The following RASEF variants were observed in gnomAD, a reference collection of about 807,000 sequenced individuals.
The protein encoded by RASEF is ras and EF-hand domain-containing protein.
A neutral mutation model predicts 90.1 loss-of-function variants in RASEF; 68 were observed. The observed-to-expected ratio is 0.75, with a 90% CI of 0.62 to 0.92. The LOEUF (loss-of-function observed/expected upper bound fraction) is 0.92. Ranked by LOEUF, RASEF falls within the 40% of genes least tolerant of loss-of-function variation. RASEF has a pLI of 0.00. For missense variants in RASEF, 949 were observed against 937.2 expected (o/e 1.01, Z -0.16); for synonymous variants, 331 against 345.2 (o/e 0.96, Z 0.46).
chr9:83,146,095 T>C, the RASEF span, among the ~76,000 whole-genome samples: 14 of 151,028 alleles, frequency 9.3e-5, no homozygotes, highest in Non-Finnish European at 1.6e-4. Flanking sequence ...ATGGGGATAC[T>C]CCTTGGAGAC....
At chr9:83,154,678 C>T in the RASEF span, among the ~76,000 whole-genome samples, 1 of 152,206 alleles carries the variant, frequency 6.6e-6, no homozygotes, top group South Asian at 2.1e-4. Context: ...TCTCTTTCTA[C>T]CCCATGGTGA....
intron 1 of RASEF, among the ~76,000 whole-genome samples, chr9:83,030,850 TTTC>T (rs1265839373): frequency 6.6e-6 from 1 of 152,200 alleles, no homozygotes; most frequent in East Asian, 1.9e-4. Flanking sequence ...TTCTTTTTTC[TTTC>T]TTTCTCACTT....
At chr9:83,134,413 C>CACAA in the RASEF span, among the ~76,000 whole-genome samples, 3 of 108,494 alleles carry the variant, frequency 2.8e-5, no homozygotes, top group Non-Finnish European at 5.8e-5. Flanking sequence ...CAATAGCGCA[C>CACAA]ACACACACAC....
the RASEF span, among the ~76,000 whole-genome samples, chr9:83,078,386 G>T: frequency 6.6e-6 from 1 of 152,122 alleles, no homozygotes; most frequent in Admixed American, 6.5e-5. Context: ...CAGAAATGAG[G>T]CTGGGCACAG....
the RASEF span, among the ~76,000 whole-genome samples, chr9:83,116,147 A>G: frequency 6.6e-6 from 1 of 152,194 alleles, no homozygotes; most frequent in Non-Finnish European, 1.5e-5. Context: ...AAAATTCTTC[A>G]AGAACCAGGA....
chr9:83,097,915 C>T, the RASEF span, among the ~76,000 whole-genome samples: 8 of 152,106 alleles, frequency 5.3e-5, no homozygotes, highest in African/African-American at 1.9e-4. Flanking sequence ...CTAGGTAGGC[C>T]TTTTATAGGC....
upstream of RASEF, among the ~76,000 whole-genome samples, chr9:83,064,714 C>G (rs559092152): frequency 6.6e-6 from 1 of 152,210 alleles, no homozygotes; most frequent in South Asian, 2.1e-4. Context: ...TTTCTGAATT[C>G]TTATGTTCTG....
At chr9:83,065,991 G>C (rs539957213), upstream of RASEF, among the ~76,000 whole-genome samples, 32 of 152,288 alleles carry the variant, frequency 2.1e-4, no homozygotes, top group South Asian at 6.6e-3. Flanking sequence ...ATTGTGCTGA[G>C]GTTGAGGAAG....
chr9:82,984,200 A>G (rs184593721), intron 16 of RASEF, among the ~76,000 whole-genome samples: 24 of 152,320 alleles, frequency 1.6e-4, no homozygotes, highest in African/African-American at 5.8e-4. Flanking sequence ...TAATTTTATT[A>G]ATATATTTTA....
the RASEF span, among the ~76,000 whole-genome samples, chr9:83,133,092 A>C: frequency 5.9e-5 from 9 of 152,220 alleles, no homozygotes; most frequent in Non-Finnish European, 7.3e-5. Context: ...TCTTCTGACT[A>C]TCTTACTTTC....
intron 1 of RASEF, among the ~76,000 whole-genome samples, chr9:83,033,710 C>A (rs1829687253): frequency 6.6e-6 from 1 of 152,120 alleles, no homozygotes; most frequent in African/African-American, 2.4e-5. Flanking sequence ...AATAAATGTG[C>A]AGAGATAAAA....
At chr9:83,137,899 T>C in the RASEF span, among the ~76,000 whole-genome samples, 2 of 151,988 alleles carry the variant, frequency 1.3e-5, no homozygotes, top group East Asian at 3.9e-4. Flanking sequence ...TTATGTTTCT[T>C]AAAGAGAAAG....
chr9:83,173,356 T>C, the RASEF span, among the ~76,000 whole-genome samples: 1 of 151,948 alleles, frequency 6.6e-6, no homozygotes, highest in Non-Finnish European at 1.5e-5. Flanking sequence ...ACATCCTCTT[T>C]ATGGCCACCG....
intron 16 of RASEF, among the ~76,000 whole-genome samples, chr9:82,986,942 A>C (rs1210745661): frequency 6.6e-6 from 1 of 152,234 alleles, no homozygotes; most frequent in East Asian, 1.9e-4. Flanking sequence ...CTGGGATTGA[A>C]AGATTTTCTA....
chr9:83,212,281 G>A, the RASEF span, among the ~76,000 whole-genome samples: 4 of 152,182 alleles, frequency 2.6e-5, no homozygotes, highest in East Asian at 7.7e-4. Flanking sequence ...CAGAGTTCTT[G>A]TTTTTCTTAA....
At chr9:83,022,213 G>T (rs918591715) in intron 3 of RASEF, 123 bp downstream of exon 3, 2 of 718,644 alleles carry the variant, frequency 2.8e-6, no homozygotes, top group Non-Finnish European at 4.9e-6. Flanking sequence ...CCTTTGCTGG[G>T]AGACTCTGCA....
chr9:83,080,599 A>AC, the RASEF span, among the ~76,000 whole-genome samples: 526 of 152,354 alleles, frequency 3.5e-3, 2 homozygotes, highest in Non-Finnish European at 4.7e-3. Flanking sequence ...CAGTAACAGA[A>AC]CACATGTATC....
At chr9:83,158,364 T>C in the RASEF span, among the ~76,000 whole-genome samples, 1 of 151,904 alleles carries the variant, frequency 6.6e-6, no homozygotes, top group African/African-American at 2.4e-5. Flanking sequence ...ATACAAATTT[T>C]GGCAAAGTAA....
intron 3 of RASEF, among the ~76,000 whole-genome samples, chr9:83,017,321 T>TAAA (rs1174147161): frequency 4.7e-5 from 6 of 128,214 alleles, no homozygotes; most frequent in African/African-American, 5.8e-5. Context: ...TCGTCTCTAC[T>TAAA]AAAAAAAAAA....
Sources: allele counts gnomAD v4.1 joint callset (sites outside exome capture counted in the v4.1 genomes callset), GRCh38; gene constraint gnomAD v4.1.1; transcripts MANE v1.5; gene names NCBI Gene and HGNC (gene_info 2026-07-23, HGNC 2026-07-21).